SMARCC1: variants seen among roughly 807,000 people sequenced by gnomAD.
SMARCC1 encodes the protein SWI/SNF complex subunit SMARCC1.
In SMARCC1, 43 loss-of-function variants were observed where a neutral mutation model predicts 147.4. The ratio of observed to expected loss-of-function variants is 0.29; its 90% CI spans 0.23 to 0.38. SMARCC1 has a LOEUF of 0.38. SMARCC1 is among the 10% of genes least tolerant of loss of function. The pLI is 1.00. For missense variants in SMARCC1, 1,119 were observed against 1,381.1 expected (o/e 0.81, Z 3.01); for synonymous variants, 495 against 484.4 (o/e 1.02, Z -0.29).
chr3:47,659,765 G>GGGT (rs1388375770), intron 21 of SMARCC1, among the ~76,000 whole-genome samples: 1 of 125,966 alleles, frequency 7.9e-6, no homozygotes, highest in Non-Finnish European at 1.7e-5. Flanking sequence ...AAAAAAGGGG[G>GGGT]GGGGGGCAAG....
chr3:47,595,077 G>T (rs185170806), intron 26 of SMARCC1, among the ~76,000 whole-genome samples: 1 of 152,168 alleles, frequency 6.6e-6, no homozygotes, highest in African/African-American at 2.4e-5. Context: ...CACCGGTTCT[G>T]TATGCAGCCA....
At chr3:47,688,707 C>T (rs934669699) in intron 13 of SMARCC1, among the ~76,000 whole-genome samples, 2 of 152,188 alleles carry the variant, frequency 1.3e-5, no homozygotes, top group Admixed American at 6.5e-5. Context: ...TCAAAGTCTA[C>T]ACTGCATCAA....
intron 2 of SMARCC1, among the ~76,000 whole-genome samples, chr3:47,753,108 G>A (rs1042780265): frequency 3.3e-5 from 5 of 152,118 alleles, no homozygotes; most frequent in Admixed American, 6.6e-5. Flanking sequence ...CACTTTGGGA[G>A]TCCAAGGGGG....
intron 5 of SMARCC1, among the ~76,000 whole-genome samples, chr3:47,733,975 G>A (rs1007788123): frequency 1.3e-5 from 2 of 150,824 alleles, no homozygotes; most frequent in Non-Finnish European, 2.9e-5. Context: ...ATGTACGTGT[G>A]TGTATATATA....
At chr3:47,731,539 C>T (rs2034374635) in intron 5 of SMARCC1, among the ~76,000 whole-genome samples, 1 of 152,140 alleles carries the variant, frequency 6.6e-6, no homozygotes, top group African/African-American at 2.4e-5. Context: ...ATCATAAGAA[C>T]CACTAACTAT....
chr3:47,655,469 G>A (rs1251373347), intron 21 of SMARCC1, among the ~76,000 whole-genome samples: 3 of 152,132 alleles, frequency 2.0e-5, no homozygotes, highest in African/African-American at 7.2e-5. Flanking sequence ...GGCTGAGGCG[G>A]GCAGATCACT....
At chr3:47,700,883 T>C (rs1184574415) in intron 11 of SMARCC1, among the ~76,000 whole-genome samples, 1 of 152,194 alleles carries the variant, frequency 6.6e-6, no homozygotes, top group Non-Finnish European at 1.5e-5. Context: ...AACTGGTAAC[T>C]AAGGTTCATC....
chr3:47,678,149 T>G (rs2033596604), intron 16 of SMARCC1, 49 bp downstream of exon 16: 3 of 1,076,696 alleles, frequency 2.8e-6, no homozygotes, highest in Non-Finnish European at 4.2e-6. Flanking sequence ...ACAGCATGCA[T>G]AAGTAAATTC....
chr3:47,648,278 A>T (rs1397039729), intron 21 of SMARCC1, among the ~76,000 whole-genome samples: 2 of 152,194 alleles, frequency 1.3e-5, no homozygotes, highest in Non-Finnish European at 2.9e-5. Flanking sequence ...TACAGGCATG[A>T]GCCACCGCAC....
chr3:47,745,321 T>C (rs535160492), intron 3 of SMARCC1, among the ~76,000 whole-genome samples: 86 of 152,268 alleles, frequency 5.6e-4, no homozygotes, highest in South Asian at 4.3e-3. Context: ...ATGAGTTCAT[T>C]ATACACACAC....
In SMARCC1 at chr3:47,686,168, T is replaced by C. The variant is rs1245879725; in HGVS notation, c.1266A>G (p.Glu422=). 5.0e-6 allele frequency: 8 copies of C among 1,611,312 alleles called. No individual in the cohort carries two copies. Among genetic ancestry groups the C allele is most frequent in the Non-Finnish European group, 6.8e-6 (8 of 1,178,256 alleles). Reference sequence around the variant, plus strand: ...GATCACCTTTGGCAGGATCTTCATCTTCCTATAGAAAAGAAGACAAAGTTC... The same window carrying C: ...GATCACCTTTGGCAGGATCTTCATCCTCCTATAGAAAAGAAGACAAAGTTC... ...DEETVTAGGK[E]DEDPAKGDQS... The change falls in exon 14 of 28, where the codon GAA becomes GAG. Residue 422 remains glutamate (E), a splice_region_variant and synonymous_variant. Coordinates refer to ENST00000254480, the MANE Select transcript of SMARCC1 (RefSeq NM_003074.4).
At chr3:47,744,929 A>G (rs565255224) in intron 3 of SMARCC1, among the ~76,000 whole-genome samples, 1 of 152,306 alleles carries the variant, frequency 6.6e-6, no homozygotes, top group African/African-American at 2.4e-5. Context: ...TCCTGAGGAT[A>G]GCAAAATGGA....
intron 11 of SMARCC1, among the ~76,000 whole-genome samples, chr3:47,695,679 A>T (rs1391698244): frequency 1.3e-5 from 2 of 150,692 alleles, no homozygotes; most frequent in African/African-American, 2.5e-5. Flanking sequence ...AAGCAGAAGA[A>T]TCACACGAAC....
chr3:47,624,096 C>A (rs1017823089), intron 24 of SMARCC1, among the ~76,000 whole-genome samples: 1 of 151,908 alleles, frequency 6.6e-6, no homozygotes, highest in African/African-American at 2.4e-5. Context: ...TCGAGACCAG[C>A]CCGGCCAACA....
At chr3:47,622,443 T>C in intron 24 of SMARCC1, 102 bp from the exon 25 acceptor site, 2 of 1,094,342 alleles carry the variant, frequency 1.8e-6, no homozygotes, top group Non-Finnish European at 2.7e-6. Flanking sequence ...TAATTTACAA[T>C]GGTACCCTAT....
At chr3:47,666,412 C>T (rs563289434) in intron 19 of SMARCC1, among the ~76,000 whole-genome samples, 1 of 152,034 alleles carries the variant, frequency 6.6e-6, no homozygotes, top group African/African-American at 2.4e-5. Context: ...ACTATGAATT[C>T]CTTAAAGGTA....
rs201952543 is a variant in SMARCC1, at chr3:47,661,355, G to A, written c.2259C>T (p.Pro753=). The stretch of plus-strand genomic sequence containing the variant: ...TGCAGCTGCTCTCCAGACCGTAGGT[G>A]GGATCCACTTTCCCAGAGGCTCGTG... ...EAARASGKVD[P]TYGLESSCIA... Residue 753 remains proline (P), a synonymous_variant, in exon 21 of 28, where the codon CCC becomes CCT. Transcript: ENST00000254480. 3.1e-6 allele frequency: 5 copies of A among 1,613,828 alleles called. No individual in the cohort carries two copies. In the East Asian group the frequency reaches 1.1e-4, roughly 36 times the overall value.
At chr3:47,763,398 C>T (rs1413778732) in intron 2 of SMARCC1, among the ~76,000 whole-genome samples, 1 of 126,170 alleles carries the variant, frequency 7.9e-6, no homozygotes, top group Non-Finnish European at 1.7e-5. Flanking sequence ...AATAGCGAGA[C>T]TCCAGCTCTA....
chr3:47,620,851 G>A (rs2032721002), intron 25 of SMARCC1, among the ~76,000 whole-genome samples: 1 of 152,180 alleles, frequency 6.6e-6, no homozygotes, highest in South Asian at 2.1e-4. Flanking sequence ...GAAGAAGTCA[G>A]GGAATCAAGA....
Sources: allele counts gnomAD v4.1 joint callset (sites outside exome capture counted in the v4.1 genomes callset), GRCh38; gene constraint gnomAD v4.1.1; transcripts MANE v1.5; gene names NCBI Gene and HGNC (gene_info 2026-07-23, HGNC 2026-07-21).